SIRT3: variants seen among roughly 807,000 people sequenced by gnomAD.
SIRT3 encodes sirtuin 3, also known as NAD-dependent protein deacetylase sirtuin-3, mitochondrial.
SIRT3 carries 26 observed loss-of-function variants against 33.5 expected under a neutral mutation model. That is an observed-to-expected ratio of 0.78 (90% CI 0.57 to 1.08). SIRT3 has a LOEUF of 1.08. Among genes scored for constraint, SIRT3 ranks in the 50% least tolerant of loss-of-function variants. SIRT3 has a pLI of 0.00. For missense variants in SIRT3, 585 were observed against 530.1 expected, an observed-to-expected ratio of 1.10 and a Z score of -1.02; for synonymous variants, 237 against 222.1, an observed-to-expected ratio of 1.07 and a Z score of -0.60.
Position 233,517 on chromosome 11 carries a change from C to G in SIRT3, c.299G>C (p.Arg100Thr). The G allele has an allele frequency of 1.2e-6, 2 of 1,614,100 alleles. No homozygotes were observed. Among genetic ancestry groups the G allele is most frequent in the Non-Finnish European group, 1.7e-6 (2 of 1,180,010 alleles). The stretch of plus-strand genomic sequence containing the variant: ...AGCACCCACAGAAAAAGATATGGAC[C>G]TTCTTCCACCTTTAATACTGACAGA... ...FFFSSIKGGRRSISFSVGASS... is the reference protein window; with the variant it reads ...FFFSSIKGGRTSISFSVGASS... The change falls in exon 2 of 7, where the codon AGG becomes ACG. Residue 100 changes from arginine to threonine, a missense_variant. Arg to Thr is a moderately conservative substitution (Grantham distance 71). Coordinates refer to ENST00000382743, the MANE Select transcript of SIRT3 (RefSeq NM_012239.6).
upstream of SIRT3, chr11:236,893 T>G (rs1318783511): frequency 9.0e-6 from 6 of 665,710 alleles, no homozygotes; most frequent in Non-Finnish European, 1.6e-5. Flanking sequence ...AGACGCGCTG[T>G]AACCGAGCAA....
intron 5 of SIRT3, among the ~76,000 whole-genome samples, chr11:220,159 G>A (rs949451856): frequency 1.3e-5 from 2 of 151,806 alleles, no homozygotes; most frequent in African/African-American, 2.4e-5. Flanking sequence ...GTGAAACCAC[G>A]TCTCTACTAA....
chr11:236,881 A>G (rs1859236783), upstream of SIRT3: 2 of 634,110 alleles, frequency 3.2e-6, no homozygotes, highest in Non-Finnish European at 5.6e-6. Flanking sequence ...TCCGGAGCGC[A>G]GAGACGCGCT....
chr11:225,048 A>G (rs897825670), intron 4 of SIRT3, among the ~76,000 whole-genome samples: 3 of 151,790 alleles, frequency 2.0e-5, no homozygotes, highest in African/African-American at 7.3e-5. Flanking sequence ...AAAAGAAAAA[A>G]CTGTTATCTT....
intron 5 of SIRT3, among the ~76,000 whole-genome samples, chr11:222,164 T>A (rs2133826392): frequency 6.6e-6 from 1 of 152,282 alleles, no homozygotes; most frequent in African/African-American, 2.4e-5. Flanking sequence ...CTGCTCCTCC[T>A]GTGTCTGTCC....
intron 4 of SIRT3, among the ~76,000 whole-genome samples, chr11:227,474 A>G (rs935465759): frequency 1.3e-5 from 2 of 152,028 alleles, no homozygotes; most frequent in African/African-American, 4.8e-5. Flanking sequence ...CAACAAAAAT[A>G]AAACAGGCAG....
upstream of SIRT3, chr11:236,350 C>A (rs748544241): frequency 1.9e-5 from 24 of 1,265,258 alleles, no homozygotes; most frequent in Admixed American, 1.6e-4. Flanking sequence ...TCCAAGGAGT[C>A]CTCCGGACTC....
chr11:216,882 G>A (rs1289238935), intron 6 of SIRT3, among the ~76,000 whole-genome samples, 164 bp from the exon 7 acceptor site: 2 of 152,212 alleles, frequency 1.3e-5, no homozygotes, highest in Admixed American at 1.3e-4. Context: ...GAGGATCCCA[G>A]CAGGCCTGGG....
At chr11:217,484 G>A (rs1245553179) in intron 6 of SIRT3, among the ~76,000 whole-genome samples, 1 of 152,218 alleles carries the variant, frequency 6.6e-6, no homozygotes, top group African/African-American at 2.4e-5. Context: ...AGCAGGAAAA[G>A]GATCCCTCAA....
At position 236,034 on chromosome 11, in the gene SIRT3, C is replaced by G; in HGVS notation, c.281+14G>C. 6.7e-7 allele frequency: 1 copy of G among 1,495,760 alleles called. No homozygotes were observed. 92.7% of individuals were successfully genotyped at this position (1,495,760 alleles called of 1,614,324 possible). On this transcript the variant is annotated intron_variant, in intron 1 of 6. Transcript: ENST00000382743. ...AACGAACACGCAAGAAGTGCTTGTC[C>G]TTGCCCAAAATACCTCGAAAAGAAG...
At chr11:233,734 A>C in intron 1 of SIRT3, 200 bp from the exon 2 acceptor site, 1 of 579,884 alleles carries the variant, frequency 1.7e-6, no homozygotes, top group Non-Finnish European at 3.0e-6. Flanking sequence ...AGAAATCAAG[A>C]CTTACTTGGG....
In SIRT3 at chr11:224,156, C is replaced by T. The variant is rs201217517; in HGVS notation, c.891G>A (p.Pro297=). ...CATGCAGCAAGAACCTCTGGGGCAG[C>T]GGCTCCCCAAAGAACACAATGTCGG... ...VKPDIVFFGE[P]LPQRFLLHVV... Residue 297 remains proline, a synonymous_variant, in exon 5 of 7, where the codon CCG becomes CCA. Transcript: ENST00000382743. 1.5e-4 allele frequency: 243 copies of T among 1,614,080 alleles called. No individual in the cohort carries two copies. Among genetic ancestry groups the T allele is most frequent in the Non-Finnish European group, 1.9e-4 (222 of 1,180,050 alleles).
chr11:222,592 G>A (rs1238163086), intron 5 of SIRT3: 1 of 152,550 alleles, frequency 6.6e-6, no homozygotes, highest in Non-Finnish European at 1.5e-5. Context: ...GGGCCCTGCT[G>A]GGTCTGCTGC....
At chr11:221,636 T>C (rs140512980) in intron 5 of SIRT3, among the ~76,000 whole-genome samples, 42 of 152,340 alleles carry the variant, frequency 2.8e-4, no homozygotes, top group African/African-American at 1.0e-3. Context: ...GTCAAACACA[T>C]TAACATTTCG....
rs1008686776 is a variant in SIRT3 at position 216,859 on chromosome 11, T to C, written c.1180-141A>G. The C allele has an allele frequency of 1.8e-5, 17 of 920,894 alleles. No individual in the cohort carries two copies. In the East Asian group the frequency reaches 4.1e-4, roughly 22 times the overall value. 57.0% of individuals were successfully genotyped at this position (920,894 alleles called of 1,614,324 possible). A position where few individuals can be genotyped will look rare whatever the true frequency, so the allele number is the denominator to read the frequency against. On this transcript the variant is annotated intron_variant, in intron 6 of 6. Transcript: ENST00000382743. Reference sequence around the variant, plus strand: ...TGCTTTCTGCAAATACTGCTGCTGCTGTGCTGGGCTAAGAGGATCCCAGCA... The same window carrying C: ...TGCTTTCTGCAAATACTGCTGCTGCCGTGCTGGGCTAAGAGGATCCCAGCA...
chr11:219,146 G>C, intron 5 of SIRT3, 105 bp from the exon 6 acceptor site: 1 of 1,385,202 alleles, frequency 7.2e-7, no homozygotes, highest in Non-Finnish European at 9.7e-7. Context: ...CAGATTGGCA[G>C]TCAGAGCCTG....
intron 5 of SIRT3, among the ~76,000 whole-genome samples, chr11:220,330 C>CAAAAAAAA (rs55855156): frequency 4.6e-5 from 4 of 87,028 alleles, no homozygotes; most frequent in Admixed American, 1.3e-4. Flanking sequence ...GACTCTGTCT[C>CAAAAAAAA]AAAAAAAAAA....
At chr11:236,370 C>CGGCGCCCCGCCCG (rs575766409), upstream of SIRT3, 83 of 1,175,110 alleles carry the variant, frequency 7.1e-5, no homozygotes, top group Middle Eastern at 3.3e-4. Context: ...CGCCCCGCCC[C>CGGCGCCCCGCCCG]CGGCGCCCCG....
At chr11:222,561 C>G (rs1856587543) in intron 5 of SIRT3, 1 of 152,842 alleles carries the variant, frequency 6.5e-6, no homozygotes, top group South Asian at 2.1e-4. Flanking sequence ...CCAGCCAGTG[C>G]CAGCCGGTGA....
Sources: allele counts gnomAD v4.1 joint callset (sites outside exome capture counted in the v4.1 genomes callset), GRCh38; gene constraint gnomAD v4.1.1; transcripts MANE v1.5; gene names NCBI Gene and HGNC (gene_info 2026-07-23, HGNC 2026-07-21).